The following LAMA2 variants were observed in gnomAD, a reference collection of about 807,000 sequenced individuals.
LAMA2 encodes laminin subunit alpha 2.
In LAMA2, 269 loss-of-function variants were observed where a neutral mutation model predicts 364.8. That is an observed-to-expected ratio of 0.74 (90% CI 0.67 to 0.82). The LOEUF (loss-of-function observed/expected upper bound fraction) is 0.82. LAMA2 is among the 40% of genes least tolerant of loss of function. LAMA2 has a pLI of 0.00. For missense variants in LAMA2, 3,807 were observed against 3,873.2 expected (o/e 0.98, Z 0.45); for synonymous variants, 1,379 against 1,370.6 (o/e 1.01, Z -0.14).
At chr6:128,938,521 A>G (rs1026610761) in intron 1 of LAMA2, among the ~76,000 whole-genome samples, 1 of 152,006 alleles carries the variant, frequency 6.6e-6, no homozygotes. Context: ...CAAACATAAG[A>G]TTTTTTTAAA....
rs139682635 is a variant in LAMA2 at position 129,301,509 on chromosome 6, A to G, written c.3174+637A>G. ...TATAGGGCGCGAGTTACATTTTAGA[A>G]CTCAGGCTGATACAGCCTGGTGAAT... On this transcript the variant is annotated intron_variant, in intron 22 of 64. Transcript: ENST00000421865. 6.6e-5 allele frequency among the ~76,000 whole-genome samples: 10 copies of G among 152,142 alleles called. No homozygotes were observed. In the East Asian group the frequency reaches 1.5e-3, roughly 24 times the overall value.
At chr6:129,437,537 T>G (rs1182277608) in intron 41 of LAMA2, among the ~76,000 whole-genome samples, 1 of 152,044 alleles carries the variant, frequency 6.6e-6, no homozygotes, top group Non-Finnish European at 1.5e-5. Context: ...CATGTTGCAT[T>G]TCTGTGGAGC....
At chr6:129,316,452 C>T (rs1774616648) in intron 27 of LAMA2, among the ~76,000 whole-genome samples, 1 of 152,146 alleles carries the variant, frequency 6.6e-6, no homozygotes, top group African/African-American at 2.4e-5. Flanking sequence ...AGATCATATA[C>T]TGTAGATCAG....
chr6:128,995,231 T>C (rs1400463003), intron 1 of LAMA2, among the ~76,000 whole-genome samples: 3 of 152,192 alleles, frequency 2.0e-5, no homozygotes, highest in Non-Finnish European at 4.4e-5. Flanking sequence ...AGGGAGTACA[T>C]GTGCAGGTAT....
At chr6:129,052,923 A>G (rs1056833418) in intron 2 of LAMA2, among the ~76,000 whole-genome samples, 1 of 151,082 alleles carries the variant, frequency 6.6e-6, no homozygotes, top group Non-Finnish European at 1.5e-5. Flanking sequence ...TGCAGAAAAC[A>G]TTACTATATT....
intron 1 of LAMA2, among the ~76,000 whole-genome samples, chr6:128,915,762 G>C (rs1329664353): frequency 4.6e-5 from 7 of 152,070 alleles, no homozygotes; most frequent in Admixed American, 4.6e-4. Flanking sequence ...TAGTCTGCCA[G>C]TTATTTTATA....
At chr6:129,265,425 T>C (rs1787436884) in intron 15 of LAMA2, among the ~76,000 whole-genome samples, 1 of 152,176 alleles carries the variant, frequency 6.6e-6, no homozygotes, top group Non-Finnish European at 1.5e-5. Flanking sequence ...TGAATATCTG[T>C]CTGAAAACAG....
At chr6:129,208,384 TA>T (rs1222815901) in intron 12 of LAMA2, among the ~76,000 whole-genome samples, 1 of 152,102 alleles carries the variant, frequency 6.6e-6, no homozygotes, top group African/African-American at 2.4e-5. Context: ...CTATTATTAT[TA>T]ACTCCAACTG....
chr6:129,204,051 A>G (rs918608007), intron 12 of LAMA2, among the ~76,000 whole-genome samples: 10 of 152,368 alleles, frequency 6.6e-5, no homozygotes, highest in East Asian at 3.9e-4. Flanking sequence ...CCTGTCTGAC[A>G]TAGTATCTGG....
At chr6:129,375,859 T>C (rs1043053782) in intron 34 of LAMA2, among the ~76,000 whole-genome samples, 1 of 152,214 alleles carries the variant, frequency 6.6e-6, no homozygotes, top group Non-Finnish European at 1.5e-5. Flanking sequence ...GCCCATTATT[T>C]CTCCTGTGTA....
chr6:129,353,087 A>G, intron 31 of LAMA2, 77 bp from the exon 32 acceptor site: 1 of 1,186,682 alleles, frequency 8.4e-7, no homozygotes, highest in Non-Finnish European at 1.2e-6. Context: ...GTTGCATCAA[A>G]ACAAAAGACC....
At chr6:129,073,542 C>A (rs538079618) in intron 3 of LAMA2, among the ~76,000 whole-genome samples, 5 of 152,224 alleles carry the variant, frequency 3.3e-5, no homozygotes, top group Admixed American at 6.5e-5. Flanking sequence ...ATTATGTATT[C>A]TATGGCTTCT....
intron 53 of LAMA2, among the ~76,000 whole-genome samples, chr6:129,478,212 T>TATC (rs1374984039): frequency 6.6e-6 from 1 of 152,086 alleles, no homozygotes; most frequent in Non-Finnish European, 1.5e-5. Flanking sequence ...ATTTTTTAGC[T>TATC]ATCTCCCAAG....
At chr6:129,135,199 T>C (rs1777715302) in intron 4 of LAMA2, among the ~76,000 whole-genome samples, 1 of 151,992 alleles carries the variant, frequency 6.6e-6, no homozygotes, top group East Asian at 1.9e-4. Flanking sequence ...AAAGAGGAGA[T>C]GGAGTTAAAA....
At chr6:129,496,147 CCTT>C (rs1343533160) in intron 58 of LAMA2, among the ~76,000 whole-genome samples, 1 of 151,964 alleles carries the variant, frequency 6.6e-6, no homozygotes. Flanking sequence ...TGCTATTTCA[CCTT>C]CTTTTTGTTT....
At chr6:128,927,615 A>G (rs1304347793) in intron 1 of LAMA2, among the ~76,000 whole-genome samples, 2 of 152,062 alleles carry the variant, frequency 1.3e-5, no homozygotes, top group East Asian at 1.9e-4. Flanking sequence ...ACCCACCTCC[A>G]TCAAGTTATT....
At chr6:129,436,887 C>T (rs1326789362) in intron 41 of LAMA2, 4 of 152,050 alleles carry the variant, frequency 2.6e-5, no homozygotes, top group African/African-American at 9.7e-5. Flanking sequence ...AAATATGGAA[C>T]ACTTTGCATA....
intron 62 of LAMA2, among the ~76,000 whole-genome samples, chr6:129,510,922 A>G (rs903608952): frequency 3.3e-5 from 5 of 152,154 alleles, no homozygotes; most frequent in African/African-American, 1.2e-4. Context: ...TCCATGTGCT[A>G]TGAAAGTCTA....
intron 58 of LAMA2, among the ~76,000 whole-genome samples, chr6:129,497,302 A>G (rs559666061): frequency 1.3e-5 from 2 of 152,172 alleles, no homozygotes; most frequent in East Asian, 3.9e-4. Context: ...CAGTGGCGCA[A>G]TCATGGCTTA....
Sources: gnomAD v4.1 joint callset for allele counts (sites outside exome capture counted in the v4.1 genomes callset) on GRCh38, gnomAD v4.1.1 for gene constraint, MANE v1.5 for transcripts, NCBI Gene and HGNC (gene_info 2026-07-23, HGNC 2026-07-21) for gene names.